SCN8A: variants seen among roughly 807,000 people sequenced by gnomAD.
SCN8A encodes sodium channel protein type 8 subunit alpha.
SCN8A carries 30 observed loss-of-function variants against 184.1 expected under a neutral mutation model. The observed-to-expected ratio is 0.16, with a 90% CI of 0.12 to 0.22. The LOEUF (loss-of-function observed/expected upper bound fraction) is 0.22, where lower values mean the gene tolerates loss of function less well. Among genes scored for constraint, SCN8A ranks in the 10% least tolerant of loss-of-function variants. The probability of loss-of-function intolerance (pLI) is 1.00; values close to 1 mark genes in which losing one functional copy is unlikely to be tolerated. For missense variants in SCN8A, 1,057 were observed against 2,498.9 expected (o/e 0.42, Z 12.30); for synonymous variants, 852 against 907.0 (o/e 0.94, Z 1.09).
At chr12:51,679,086 A>T (rs1357494196) in intron 2 of SCN8A, among the ~76,000 whole-genome samples, 1 of 46,362 alleles carries the variant, frequency 2.2e-5, no homozygotes, top group East Asian at 0.012. Flanking sequence ...CAAAAAAAAT[A>T]AAAAAATAAA....
chr12:51,691,710 T>A (rs1002816754), intron 6 of SCN8A, among the ~76,000 whole-genome samples: 1 of 152,162 alleles, frequency 6.6e-6, no homozygotes, highest in Non-Finnish European at 1.5e-5. Flanking sequence ...GAATAATAGA[T>A]CACTGTCAGT....
intron 1 of SCN8A, among the ~76,000 whole-genome samples, chr12:51,592,332 G>C (rs1435460950): frequency 6.6e-6 from 1 of 151,806 alleles, no homozygotes; most frequent in Non-Finnish European, 1.5e-5. Context: ...CCAGGGGTTA[G>C]CCAGGACTGT....
chr12:51,721,906 G>A lies in SCN8A; in HGVS notation c.1996G>A (p.Glu666Lys), dbSNP rs764497118. 2 of 1,599,954 alleles carry A rather than the reference G, an allele frequency of 1.3e-6. No individual in the cohort carries two copies. Among genetic ancestry groups the A allele is most frequent in the African/African-American group, 1.3e-5 (1 of 74,922 alleles). Residue 666 changes from glutamate to lysine, a missense_variant and splice_region_variant, in exon 12 of 27, where the codon GAG becomes AAG. Physicochemically the swap from Glu to Lys is moderately conservative, Grantham distance 56. Coordinates refer to ENST00000627620, the MANE Select transcript of SCN8A (RefSeq NM_001330260.2). ...GSHIGGRLLP[E>K]ATTEVEIKKK... ...CCACATCGGCGGGCGTCTCCTGCCA[G>A]AGGTGAAAATTGATAAGGCAGCTAC...
At chr12:51,769,740 G>A (rs1170106323) in intron 17 of SCN8A, 128 bp from the exon 18 acceptor site, 5 of 690,808 alleles carry the variant, frequency 7.2e-6, no homozygotes, top group African/African-American at 1.8e-5. Context: ...TGCTTATCGC[G>A]AGTTGTAGTA....
chr12:51,769,112 G>A lies in SCN8A; in HGVS notation c.3149G>A (p.Gly1050Asp). 1 of 1,613,524 alleles carries A rather than the reference G, an allele frequency of 6.2e-7. No individual in the cohort carries two copies. The highest frequency in any genetic ancestry group is 8.5e-7 in the Non-Finnish European group (1 of 1,179,670). ...GCCAACTGTATCGCCAATCACACCGGTGCAGACATCCACCGGAATGGTGAC... is the reference window on the plus strand; with the variant it reads ...GCCAACTGTATCGCCAATCACACCGATGCAGACATCCACCGGAATGGTGAC... ...KKANCIANHT[G>D]ADIHRNGDFQ... Residue 1050 changes from glycine to aspartate, a missense_variant, in exon 17 of 27, where the codon GGT (glycine) becomes GAT (aspartate). Physicochemically the swap from Gly to Asp is moderately conservative, Grantham distance 94. This residue lies in a region of SCN8A where 178 missense variants were observed against 259.6 expected (regional missense o/e 0.69). Transcript: ENST00000627620.
chr12:51,615,824 C>T (rs1939824302), intron 1 of SCN8A, among the ~76,000 whole-genome samples: 1 of 152,136 alleles, frequency 6.6e-6, no homozygotes, highest in Admixed American at 6.5e-5. Flanking sequence ...CTTAAGTGAT[C>T]CTCTCACCTC....
intron 19 of SCN8A, among the ~76,000 whole-genome samples, chr12:51,772,481 G>A (rs941366260): frequency 5.3e-5 from 8 of 152,048 alleles, no homozygotes; most frequent in African/African-American, 1.9e-4. Context: ...ACTAAAGAGG[G>A]TGGGGATTAG....
chr12:51,774,422 C>G, intron 20 of SCN8A, 60 bp downstream of exon 20: 1 of 1,502,072 alleles, frequency 6.7e-7, no homozygotes, highest in South Asian at 1.4e-5. Flanking sequence ...ACAGGGGTCT[C>G]TCTTTTTCTA....
At chr12:51,703,020 A>T (rs778597643) in intron 9 of SCN8A, 106 bp downstream of exon 9, 14 of 1,089,728 alleles carry the variant, frequency 1.3e-5, no homozygotes, top group Non-Finnish European at 1.8e-5. Context: ...TACAAGATCT[A>T]ACTGTTGTGT....
chr12:51,701,128 C>T lies in SCN8A; in HGVS notation c.929-16C>T. On this transcript the variant is annotated splice_polypyrimidine_tract_variant and intron_variant, in intron 7 of 26. Transcript: ENST00000627620. ...AAATCTGCCTGTTCATTTCCTGCCT[C>T]TTCAAACTTTTCTAGCAAATTTCTA... 1.2e-6 allele frequency: 2 copies of T among 1,607,516 alleles called. No individual in the cohort carries two copies. The highest frequency in any genetic ancestry group is 8.5e-7 in the Non-Finnish European group (1 of 1,174,238).
At chr12:51,614,412 C>T (rs528829270) in intron 1 of SCN8A, among the ~76,000 whole-genome samples, 45 of 152,044 alleles carry the variant, frequency 3.0e-4, no homozygotes, top group Middle Eastern at 3.4e-3. Context: ...ACCTTTCTGT[C>T]GGTTCATATT....
At position 51,812,449 on chromosome 12, in the gene SCN8A, G is replaced by T; in HGVS notation, c.*5020G>T. The T allele has an allele frequency of 6.6e-6, 1 of 152,456 alleles. No individual in the cohort carries two copies. Among genetic ancestry groups the T allele is most frequent in the Non-Finnish European group, 1.5e-5 (1 of 68,100 alleles). 9.4% of individuals were successfully genotyped at this position (152,456 alleles called of 1,614,324 possible). ...GCTTTAACTAAATGTTTTGTAAAGC[G>T]TTTTGAGATACAGAGGCAAAGGCGC... is the stretch of plus-strand genomic sequence containing the variant. On this transcript the variant is annotated 3_prime_UTR_variant, in exon 27 of 27. Coordinates refer to ENST00000627620, the MANE Select transcript of SCN8A (RefSeq NM_001330260.2).
chr12:51,770,156 A>T (rs1226435637), intron 18 of SCN8A, 171 bp downstream of exon 18: 1 of 618,918 alleles, frequency 1.6e-6, no homozygotes, highest in African/African-American at 1.9e-5. Context: ...TTTGTATCTG[A>T]CAAGTATATA....
chr12:51,783,856 T>C (rs12578450), intron 21 of SCN8A, among the ~76,000 whole-genome samples: 21,299 of 152,194 alleles, frequency 0.14, 1,829 homozygotes, highest in East Asian at 0.36. Flanking sequence ...CCATTGGAAT[T>C]TTCTCATCAA....
At chr12:51,723,167 G>C (rs1438871778) in intron 12 of SCN8A, 2 of 152,222 alleles carry the variant, frequency 1.3e-5, no homozygotes, top group Non-Finnish European at 2.9e-5. Flanking sequence ...GGATTGTCTA[G>C]TCTCGCCCTT....
chr12:51,681,320 C>A (rs116249781), intron 2 of SCN8A, among the ~76,000 whole-genome samples: 67 of 152,246 alleles, frequency 4.4e-4, no homozygotes, highest in Non-Finnish European at 5.9e-5. Flanking sequence ...TGCTGCGTGA[C>A]CTTTGATAGG....
At chr12:51,764,624 G>T (rs973199840) in intron 15 of SCN8A, among the ~76,000 whole-genome samples, 4 of 152,000 alleles carry the variant, frequency 2.6e-5, no homozygotes, top group Admixed American at 2.6e-4. Context: ...GGCAGAGTGA[G>T]ACTCTGTCTC....
intron 19 of SCN8A, among the ~76,000 whole-genome samples, chr12:51,771,422 T>TAA: frequency 6.6e-6 from 1 of 151,206 alleles, no homozygotes; most frequent in African/African-American, 2.4e-5. Flanking sequence ...AATCAAAGCT[T>TAA]AATCTGGAAG....
intron 25 of SCN8A, among the ~76,000 whole-genome samples, chr12:51,793,106 AG>A (rs1938311967): frequency 6.6e-6 from 1 of 152,184 alleles, no homozygotes; most frequent in African/African-American, 2.4e-5. Context: ...GCATTGGATG[AG>A]GGCAAGAGAA....
Sources: gnomAD v4.1 joint callset for allele counts (sites outside exome capture counted in the v4.1 genomes callset) on GRCh38, gnomAD v4.1.1 for gene constraint, gnomAD v4.1.1 regional missense constraint, MANE v1.5 for transcripts, NCBI Gene and HGNC (gene_info 2026-07-23, HGNC 2026-07-21) for gene names.